The following PRKG1 variants were observed in gnomAD, a reference collection of about 807,000 sequenced individuals.
PRKG1 encodes cGMP-dependent protein kinase 1.
In PRKG1, 35 loss-of-function variants were observed where a neutral mutation model predicts 88.1. The observed-to-expected ratio is 0.40, with a 90% CI of 0.30 to 0.53. PRKG1 has a LOEUF of 0.53. Among genes scored for constraint, PRKG1 ranks in the 20% least tolerant of loss-of-function variants. PRKG1 has a pLI of 0.59. For synonymous variants in PRKG1, 303 were observed against 292.5 expected (o/e 1.04, Z -0.37); for missense variants, 540 against 839.8 (o/e 0.64, Z 4.41).
Position 52,059,277 on chromosome 10 carries a change from T to C in PRKG1, c.841-3260T>C, listed in dbSNP as rs528687812. ...ATTTGCAGTTTCTAATAAAGTTAAATAAACATTTACCGTATGACACAGCAA... is the reference window on the plus strand; with the variant it reads ...ATTTGCAGTTTCTAATAAAGTTAAACAAACATTTACCGTATGACACAGCAA... On this transcript the variant is annotated intron_variant, in intron 6 of 17. Transcript: ENST00000373980. 4.9e-4 allele frequency among the ~76,000 whole-genome samples: 75 copies of C among 152,066 alleles called. No homozygotes were observed. The South Asian group carries it at 0.013, about 26-fold the overall frequency.
chr10:51,160,372 A>C (rs775889259), intron 2 of PRKG1, among the ~76,000 whole-genome samples: 44 of 151,956 alleles, frequency 2.9e-4, no homozygotes, highest in Non-Finnish European at 6.0e-4. Flanking sequence ...TGCTCTCTCA[A>C]ATTGTGCTTG....
intron 9 of PRKG1, among the ~76,000 whole-genome samples, chr10:52,211,266 G>T (rs923772688): frequency 6.6e-6 from 1 of 152,124 alleles, no homozygotes; most frequent in African/African-American, 2.4e-5. Flanking sequence ...GCACTGCAAG[G>T]TCTTTGATAC....
intron 4 of PRKG1, among the ~76,000 whole-genome samples, chr10:51,870,488 A>C (rs150217656): frequency 6.6e-6 from 1 of 151,672 alleles, no homozygotes; most frequent in Non-Finnish European, 1.5e-5. Context: ...GGGCCCCACC[A>C]TCTCCATCCC....
At chr10:51,984,103 G>A (rs1374131089) in intron 5 of PRKG1, among the ~76,000 whole-genome samples, 2 of 152,200 alleles carry the variant, frequency 1.3e-5, no homozygotes, top group African/African-American at 2.4e-5. Context: ...GAGGATATAT[G>A]TGATACTAGG....
intron 1 of PRKG1, among the ~76,000 whole-genome samples, chr10:51,099,080 C>T (rs769985744): frequency 5.9e-5 from 9 of 152,118 alleles, no homozygotes; most frequent in Non-Finnish European, 1.3e-4. Context: ...CTTTGCTTGG[C>T]TTCTTTTTCT....
intron 5 of PRKG1, among the ~76,000 whole-genome samples, chr10:52,032,424 A>G (rs1763938651): frequency 6.6e-6 from 1 of 152,152 alleles, no homozygotes; most frequent in African/African-American, 2.4e-5. Context: ...CATAATAAAT[A>G]CCTCAGAGAA....
chr10:51,816,123 A>T (rs1839578225), intron 4 of PRKG1, among the ~76,000 whole-genome samples: 1 of 152,222 alleles, frequency 6.6e-6, no homozygotes, highest in Non-Finnish European at 1.5e-5. Flanking sequence ...AGGCATTTCC[A>T]TTTTACTGAG....
At chr10:51,876,621 G>T (rs1841307273) in intron 4 of PRKG1, among the ~76,000 whole-genome samples, 1 of 152,162 alleles carries the variant, frequency 6.6e-6, no homozygotes, top group Non-Finnish European at 1.5e-5. Context: ...AGCAAACGTT[G>T]TCAGTGTTCC....
intron 9 of PRKG1, among the ~76,000 whole-genome samples, chr10:52,227,427 T>G (rs1401596086): frequency 1.3e-5 from 2 of 152,198 alleles, no homozygotes; most frequent in Non-Finnish European, 2.9e-5. Context: ...TTTCTTTCTA[T>G]TATTCCCTAA....
intron 2 of PRKG1, among the ~76,000 whole-genome samples, chr10:51,367,129 CTT>C (rs938011962): frequency 6.6e-6 from 1 of 151,702 alleles, no homozygotes; most frequent in East Asian, 1.9e-4. Flanking sequence ...AACTAAGACT[CTT>C]TTTTTTCCAT....
chr10:52,133,921 T>C lies in PRKG1; in HGVS notation c.1001+16T>C. 1.2e-6 allele frequency: 2 copies of C among 1,603,438 alleles called. No homozygotes were observed. The highest frequency in any genetic ancestry group is 1.7e-6 in the Non-Finnish European group (2 of 1,171,064). On this transcript the variant is annotated intron_variant, in intron 8 of 17. Transcript: ENST00000373980. ...TTGACAGAGAGTAAGTACATTGTTTTATTATGTGAATTACACACTCATATC... is the reference window on the plus strand; with the variant it reads ...TTGACAGAGAGTAAGTACATTGTTTCATTATGTGAATTACACACTCATATC...
chr10:52,046,587 G>A (rs1425033434), intron 5 of PRKG1, among the ~76,000 whole-genome samples: 1 of 152,088 alleles, frequency 6.6e-6, no homozygotes, highest in East Asian at 1.9e-4. Context: ...GTTTATGGAG[G>A]TATGGTTATA....
At chr10:51,076,065 G>A (rs1177213011) in intron 1 of PRKG1, among the ~76,000 whole-genome samples, 1 of 152,174 alleles carries the variant, frequency 6.6e-6, no homozygotes, top group African/African-American at 2.4e-5. Flanking sequence ...GTTAATATAA[G>A]GAGAAAGTAA....
intron 3 of PRKG1, among the ~76,000 whole-genome samples, chr10:51,640,632 C>T (rs1247619064): frequency 1.8e-4 from 28 of 152,030 alleles, no homozygotes; most frequent in Admixed American, 1.8e-3. Flanking sequence ...AAATTAAAAC[C>T]ATCTGACTAC....
At chr10:51,463,895 A>T (rs1206746572) in intron 2 of PRKG1, among the ~76,000 whole-genome samples, 5 of 152,206 alleles carry the variant, frequency 3.3e-5, no homozygotes, top group African/African-American at 7.2e-5. Context: ...GTGAGAAAGG[A>T]TACCAAATTA....
At chr10:51,947,560 C>T (rs1843078634) in intron 5 of PRKG1, among the ~76,000 whole-genome samples, 1 of 152,186 alleles carries the variant, frequency 6.6e-6, no homozygotes, top group African/African-American at 2.4e-5. Flanking sequence ...CTGCGTTGCT[C>T]AGCCTGGGAG....
chr10:51,603,799 T>C (rs1838680100), intron 3 of PRKG1, among the ~76,000 whole-genome samples: 4 of 152,026 alleles, frequency 2.6e-5, no homozygotes, highest in Admixed American at 2.6e-4. Flanking sequence ...TGACATAGAG[T>C]GACTTTAGGA....
At chr10:51,134,275 A>C (rs1378393406) in intron 1 of PRKG1, among the ~76,000 whole-genome samples, 1 of 152,194 alleles carries the variant, frequency 6.6e-6, no homozygotes. Context: ...ATCTGTTTGC[A>C]GATGTGGGGA....
chr10:52,113,792 G>A (rs1847623029), intron 7 of PRKG1, among the ~76,000 whole-genome samples: 1 of 152,144 alleles, frequency 6.6e-6, no homozygotes, highest in Non-Finnish European at 1.5e-5. Context: ...TAATTAGCAA[G>A]TTAGGTGCTT....
Sources: gnomAD v4.1 joint callset for allele counts (sites outside exome capture counted in the v4.1 genomes callset) on GRCh38, gnomAD v4.1.1 for gene constraint, MANE v1.5 for transcripts, NCBI Gene and HGNC (gene_info 2026-07-23, HGNC 2026-07-21) for gene names.